COL19A1: variants seen among roughly 807,000 people sequenced by gnomAD.
COL19A1 encodes collagen type XIX alpha 1 chain, also known as collagen alpha-1(XIX) chain.
A neutral mutation model predicts 190.2 loss-of-function variants in COL19A1; 159 were observed. That is an observed-to-expected ratio of 0.84 (90% CI 0.73 to 0.95). The LOEUF (loss-of-function observed/expected upper bound fraction) is 0.95, where lower values mean the gene tolerates loss of function less well. COL19A1 is among the 40% of genes least tolerant of loss of function. COL19A1 has a pLI of 0.00. For missense variants in COL19A1, 1,418 were observed against 1,431.9 expected, an observed-to-expected ratio of 0.99 and a Z score of 0.16; for synonymous variants, 509 against 458.9, an observed-to-expected ratio of 1.11 and a Z score of -1.39.
chr6:69,983,872 G>A (rs1462955071), intron 11 of COL19A1, among the ~76,000 whole-genome samples: 3 of 151,892 alleles, frequency 2.0e-5, no homozygotes, highest in Admixed American at 6.6e-5. Context: ...TCATGATTAG[G>A]ATTTTTGCAC....
In COL19A1 at chr6:69,959,975, T is replaced by G. The variant is rs778062559; in HGVS notation, c.937-21T>G. The G allele has an allele frequency of 1.9e-6, 3 of 1,609,978 alleles. No individual in the cohort carries two copies. The African/African-American group carries it at 4.0e-5, about 22-fold the overall frequency. On this transcript the variant is annotated intron_variant, in intron 9 of 50. Transcript: ENST00000620364. ...ATATATCTTTATGGATCATAAACAT[T>G]ATTCTGTGTACTTCTTTTAGGGTGA...
At chr6:70,035,876 A>G (rs1478644737) in intron 13 of COL19A1, 28 bp from the exon 14 acceptor site, 6 of 1,603,492 alleles carry the variant, frequency 3.7e-6, no homozygotes, top group Non-Finnish European at 5.1e-6. Flanking sequence ...ACTAGTGGTA[A>G]TTGTAGCTTT....
At chr6:69,955,286 T>G (rs1774342671) in intron 9 of COL19A1, among the ~76,000 whole-genome samples, 1 of 152,136 alleles carries the variant, frequency 6.6e-6, no homozygotes. Flanking sequence ...AAGAAACTTT[T>G]ACCTCTCCAA....
At chr6:69,927,725 C>T (rs1279656053) in intron 4 of COL19A1, among the ~76,000 whole-genome samples, 184 bp from the exon 5 acceptor site, 2 of 152,150 alleles carry the variant, frequency 1.3e-5, no homozygotes. Context: ...CATTTTTATA[C>T]ACTCCAAACT....
intron 14 of COL19A1, among the ~76,000 whole-genome samples, chr6:70,061,633 A>C (rs1457112750): frequency 1.3e-5 from 2 of 152,130 alleles, no homozygotes; most frequent in Non-Finnish European, 2.9e-5. Context: ...TAAAGGGAGT[A>C]GATTTTTGAT....
chr6:70,009,835 T>A (rs1279152914), intron 11 of COL19A1, among the ~76,000 whole-genome samples: 1 of 138,280 alleles, frequency 7.2e-6, no homozygotes, highest in Non-Finnish European at 1.5e-5. Context: ...ACTCAGCTGA[T>A]AATAAATAGC....
rs776579322 is a variant in COL19A1 at position 70,206,942 on chromosome 6, G to C, written c.3265G>C (p.Gly1089Arg). Residue 1089 changes from glycine (G) to arginine (R), a missense_variant, in exon 50 of 51, where the codon GGG becomes CGG. Physicochemically the swap from Gly to Arg is moderately radical, Grantham distance 125 (BLOSUM62 -2). Transcript: ENST00000620364. ...QKGERGEPGI[G>R]LPGSPGLPGT... ...GGGAGAAAGAGGTGAACCTGGAATTGGGCTGCCAGGGAGTCCAGGTCTTCC... is the reference window on the plus strand; with the variant it reads ...GGGAGAAAGAGGTGAACCTGGAATTCGGCTGCCAGGGAGTCCAGGTCTTCC... The C allele has an allele frequency of 6.2e-7, 1 of 1,613,838 alleles. No individual in the cohort carries two copies. The highest frequency in any genetic ancestry group is 1.1e-5 in the South Asian group (1 of 91,062).
At chr6:69,995,805 G>A (rs932080228) in intron 11 of COL19A1, among the ~76,000 whole-genome samples, 8 of 152,098 alleles carry the variant, frequency 5.3e-5, no homozygotes, top group Admixed American at 5.3e-4. Flanking sequence ...AGTTACTAAA[G>A]GGAATTGAGA....
intron 4 of COL19A1, among the ~76,000 whole-genome samples, chr6:69,911,391 TTC>T (rs958893551): frequency 6.3e-4 from 96 of 152,304 alleles, no homozygotes; most frequent in African/African-American, 2.0e-3. Flanking sequence ...ACACTTTTTT[TTC>T]CCCCAAATTA....
intron 47 of COL19A1, among the ~76,000 whole-genome samples, chr6:70,189,528 C>T (rs1562257787): frequency 6.6e-6 from 1 of 152,018 alleles, no homozygotes; most frequent in African/African-American, 2.4e-5. Flanking sequence ...TAATAATCAC[C>T]AACTATAAAG....
At position 70,034,304 on chromosome 6, in the gene COL19A1, G is replaced by T. The variant is rs1415354855; in HGVS notation, c.1134+6G>T. 3 of 1,611,596 alleles carry T rather than the reference G, an allele frequency of 1.9e-6. No individual in the cohort carries two copies. Among genetic ancestry groups the T allele is most frequent in the East Asian group, 2.2e-5 (1 of 44,858 alleles). On this transcript the variant is annotated splice_donor_region_variant and intron_variant, in intron 13 of 50. Coordinates refer to ENST00000620364, the MANE Select transcript of COL19A1 (RefSeq NM_001858.6). ...CTGGCCCAAAAGGAGAAAAGGTATT[G>T]TGTTTACCCAGCCAAGCCCAACCTT...
intron 48 of COL19A1, among the ~76,000 whole-genome samples, chr6:70,190,666 C>T (rs1766808509): frequency 6.6e-6 from 1 of 152,182 alleles, no homozygotes; most frequent in African/African-American, 2.4e-5. Flanking sequence ...TTCAATATCC[C>T]TCATACTCCT....
At chr6:69,957,534 C>G (rs1196478311) in intron 9 of COL19A1, among the ~76,000 whole-genome samples, 1 of 151,868 alleles carries the variant, frequency 6.6e-6, no homozygotes, top group African/African-American at 2.4e-5. Context: ...GAATACAAGT[C>G]CTTTCATAGA....
At chr6:69,869,934 A>G (rs1318719948) in intron 1 of COL19A1, among the ~76,000 whole-genome samples, 1 of 152,236 alleles carries the variant, frequency 6.6e-6, no homozygotes, top group Non-Finnish European at 1.5e-5. Flanking sequence ...AAAGTAGTAC[A>G]AACATTAGGA....
intron 9 of COL19A1, among the ~76,000 whole-genome samples, chr6:69,949,761 T>C (rs1774018821): frequency 6.6e-6 from 1 of 151,914 alleles, no homozygotes; most frequent in African/African-American, 2.4e-5. Flanking sequence ...ACTTTGACTC[T>C]GCTTGTCAGC....
At chr6:70,009,356 G>C (rs1281426535) in intron 11 of COL19A1, among the ~76,000 whole-genome samples, 2 of 151,950 alleles carry the variant, frequency 1.3e-5, no homozygotes, top group South Asian at 4.1e-4. Flanking sequence ...CCGTATACAA[G>C]CAACAATCAA....
At chr6:70,180,636 A>G in intron 44 of COL19A1, 113 bp downstream of exon 44, 1 of 1,102,068 alleles carries the variant, frequency 9.1e-7, no homozygotes, top group Non-Finnish European at 1.4e-6. Context: ...CCAAGGAGTA[A>G]GAAGAATGCA....
At chr6:69,958,650 A>G (rs969954416) in intron 9 of COL19A1, among the ~76,000 whole-genome samples, 1 of 152,180 alleles carries the variant, frequency 6.6e-6, no homozygotes, top group African/African-American at 2.4e-5. Flanking sequence ...TGTTTAGTAT[A>G]TACTGTGATG....
At chr6:70,020,699 G>T (rs1049461675) in intron 11 of COL19A1, among the ~76,000 whole-genome samples, 8 of 152,070 alleles carry the variant, frequency 5.3e-5, no homozygotes, top group Non-Finnish European at 4.4e-5. Context: ...AGGACTAGGG[G>T]AGAGGCTGGC....
Sources: allele counts gnomAD v4.1 joint callset (sites outside exome capture counted in the v4.1 genomes callset), GRCh38; gene constraint gnomAD v4.1.1; transcripts MANE v1.5; gene names NCBI Gene and HGNC (gene_info 2026-07-23, HGNC 2026-07-21).